The following VMP1 variants were observed in gnomAD, a reference collection of about 807,000 sequenced individuals.
VMP1 encodes vacuole membrane protein 1, also known as ectopic P-granules autophagy protein 3 homolog.
A neutral mutation model predicts 56.0 loss-of-function variants in VMP1; 11 were observed. That is an observed-to-expected ratio of 0.20 (90% CI 0.12 to 0.32). The LOEUF (loss-of-function observed/expected upper bound fraction) is 0.32. VMP1 is among the 10% of genes least tolerant of loss of function. VMP1 has a pLI of 1.00. For synonymous variants in VMP1, 149 were observed against 165.0 expected, an observed-to-expected ratio of 0.90 and a Z score of 0.74; for missense variants, 296 against 490.3, an observed-to-expected ratio of 0.60 and a Z score of 3.74.
intron 9 of VMP1, among the ~76,000 whole-genome samples, chr17:59,813,451 C>T (rs2038121881): frequency 1.3e-5 from 2 of 152,004 alleles, no homozygotes; most frequent in South Asian, 4.1e-4. Context: ...GTGGCGCATG[C>T]CTGTAATCCC....
intron 1 of VMP1, among the ~76,000 whole-genome samples, chr17:59,726,572 G>T (rs2034614717): frequency 6.6e-6 from 1 of 152,196 alleles, no homozygotes; most frequent in African/African-American, 2.4e-5. Flanking sequence ...GGGATTACAG[G>T]CATGAGCCAC....
At chr17:59,759,316 G>A (rs1444654618) in intron 5 of VMP1, among the ~76,000 whole-genome samples, 4 of 152,170 alleles carry the variant, frequency 2.6e-5, no homozygotes, top group Non-Finnish European at 5.9e-5. Flanking sequence ...GAAGGTTGCA[G>A]TGAGCCAGGA....
chr17:59,727,253 G>C (rs1487524294), intron 1 of VMP1, among the ~76,000 whole-genome samples: 1 of 151,916 alleles, frequency 6.6e-6, no homozygotes, highest in Non-Finnish European at 1.5e-5. Context: ...TCCTGCCTCA[G>C]CCTCCAGAGT....
At chr17:59,752,663 G>A (rs1309097278) in intron 5 of VMP1, among the ~76,000 whole-genome samples, 2 of 152,102 alleles carry the variant, frequency 1.3e-5, no homozygotes, top group Non-Finnish European at 1.5e-5. Flanking sequence ...GTAACCACTG[G>A]TATGTTCAAT....
chr17:59,762,065 G>A (rs551745248), intron 5 of VMP1, among the ~76,000 whole-genome samples: 4 of 152,240 alleles, frequency 2.6e-5, no homozygotes, highest in African/African-American at 9.6e-5. Flanking sequence ...AGTAATCAAA[G>A]CCCTGTACTG....
intron 1 of VMP1, among the ~76,000 whole-genome samples, chr17:59,729,503 G>A (rs1452741565): frequency 6.7e-6 from 1 of 148,546 alleles, no homozygotes; most frequent in East Asian, 2.0e-4. Flanking sequence ...AAAAACCTTT[G>A]GTCTGTTAAC....
intron 10 of VMP1, among the ~76,000 whole-genome samples, chr17:59,823,990 G>A (rs148069317): frequency 2.6e-5 from 4 of 152,210 alleles, no homozygotes; most frequent in East Asian, 3.9e-4. Flanking sequence ...CGGGCCGGGC[G>A]CAGAGGCTCA....
chr17:59,757,859 C>CTTTTTTTTTTTTTTTTTTT (rs66605258), intron 5 of VMP1, among the ~76,000 whole-genome samples: 1 of 91,254 alleles, frequency 1.1e-5, no homozygotes, highest in African/African-American at 4.2e-5. Flanking sequence ...TTATTTGCCA[C>CTTTTTTTTTTTTTTTTTTT]TTTTTTTTTT....
intron 1 of VMP1, among the ~76,000 whole-genome samples, chr17:59,720,659 C>CG (rs2034354123): frequency 1.3e-5 from 2 of 152,186 alleles, no homozygotes; most frequent in African/African-American, 4.8e-5. Flanking sequence ...ATGTGCCAGT[C>CG]ACTGTGTAGT....
chr17:59,747,409 C>A lies in VMP1; in HGVS notation c.414+8462C>A, dbSNP rs1416850601. 2.2e-5 allele frequency among the ~76,000 whole-genome samples: 3 copies of A among 137,008 alleles called. No homozygotes were observed. The East Asian group carries it at 7.3e-4, about 34-fold the overall frequency. 89.9% of individuals were successfully genotyped at this position (137,008 alleles called of 152,430 possible). A position where few individuals can be genotyped will look rare whatever the true frequency, so the allele number is the denominator to read the frequency against. Reference sequence around the variant, plus strand: ...CCCGGGTTTTTTTCTTTCTTTCTTTCTTTCTTTTTTTTTTTTTTGAGATGG... The same window carrying A: ...CCCGGGTTTTTTTCTTTCTTTCTTTATTTCTTTTTTTTTTTTTTGAGATGG... On this transcript the variant is annotated intron_variant, in intron 5 of 11. Coordinates refer to ENST00000262291, the MANE Select transcript of VMP1 (RefSeq NM_030938.5).
At chr17:59,724,863 G>A (rs1416175904) in intron 1 of VMP1, among the ~76,000 whole-genome samples, 1 of 152,110 alleles carries the variant, frequency 6.6e-6, no homozygotes, top group Non-Finnish European at 1.5e-5. Flanking sequence ...CTACTCGGGA[G>A]GCTGAGGCAG....
At chr17:59,816,678 G>A (rs941757812) in intron 9 of VMP1, among the ~76,000 whole-genome samples, 58 of 151,840 alleles carry the variant, frequency 3.8e-4, no homozygotes, top group Non-Finnish European at 6.2e-4. Context: ...GGTGGCGGGC[G>A]CCTGTAGTCC....
intron 1 of VMP1, among the ~76,000 whole-genome samples, chr17:59,727,864 C>T (rs1366230784): frequency 6.6e-6 from 1 of 152,180 alleles, no homozygotes; most frequent in East Asian, 1.9e-4. Context: ...TTATTGTCCT[C>T]ATTTTGTGAA....
intron 5 of VMP1, among the ~76,000 whole-genome samples, chr17:59,754,978 G>GCA (rs2035783279): frequency 7.7e-6 from 1 of 129,968 alleles, no homozygotes; most frequent in Non-Finnish European, 1.6e-5. Flanking sequence ...ATTTATACTA[G>GCA]CCCCCCCCGC....
At chr17:59,730,839 T>G (rs1193523252) in intron 1 of VMP1, among the ~76,000 whole-genome samples, 2 of 151,970 alleles carry the variant, frequency 1.3e-5, no homozygotes, top group African/African-American at 4.8e-5. Flanking sequence ...ACATTTCAAG[T>G]TTGGTTTTTT....
chr17:59,765,919 A>G (rs2036216289), intron 6 of VMP1, among the ~76,000 whole-genome samples: 1 of 151,640 alleles, frequency 6.6e-6, no homozygotes, highest in African/African-American at 2.4e-5. Context: ...AGAGTTATAT[A>G]AAATATATAT....
At chr17:59,795,325 C>T (rs1291477941) in intron 7 of VMP1, among the ~76,000 whole-genome samples, 1 of 151,306 alleles carries the variant, frequency 6.6e-6, no homozygotes, top group African/African-American at 2.4e-5. Flanking sequence ...CCGTGTTGGT[C>T]AGGCTGGTCT....
intron 7 of VMP1, among the ~76,000 whole-genome samples, chr17:59,788,060 G>A (rs1205680098): frequency 3.9e-5 from 6 of 152,050 alleles, no homozygotes; most frequent in Admixed American, 3.3e-4. Flanking sequence ...TTGTTTTGAT[G>A]ACAAAGCAAT....
intron 6 of VMP1, among the ~76,000 whole-genome samples, chr17:59,772,056 C>T (rs1037376141): frequency 6.6e-6 from 1 of 151,652 alleles, no homozygotes; most frequent in African/African-American, 2.4e-5. Flanking sequence ...CTTTGTCACC[C>T]ATAAGCTTGC....
Sources: allele counts gnomAD v4.1 joint callset (sites outside exome capture counted in the v4.1 genomes callset), GRCh38; gene constraint gnomAD v4.1.1; transcripts MANE v1.5; gene names NCBI Gene and HGNC (gene_info 2026-07-23, HGNC 2026-07-21).